RBFOX1: variants seen among roughly 807,000 people sequenced by gnomAD.
The protein encoded by RBFOX1 is RNA binding fox-1 homolog 1.
Under a neutral mutation model 57.7 loss-of-function variants are expected in RBFOX1, and 8 were observed. The ratio of observed to expected loss-of-function variants is 0.14; its 90% CI spans 0.08 to 0.25. The LOEUF is 0.25. Ranked by LOEUF, RBFOX1 falls within the 10% of genes least tolerant of loss-of-function variation. The probability of loss-of-function intolerance (pLI) is 1.00; values close to 1 mark genes in which losing one functional copy is unlikely to be tolerated. For missense variants in RBFOX1, 611 were observed against 548.5 expected (o/e 1.11, Z -1.14); for synonymous variants, 326 against 222.4 (o/e 1.47, Z -4.15).
chr16:7,482,750 G>T (rs189129882), intron 4 of RBFOX1, among the ~76,000 whole-genome samples: 1 of 151,822 alleles, frequency 6.6e-6, no homozygotes, highest in African/African-American at 2.4e-5. Context: ...ATTTGCTTAT[G>T]TTCTTGGATG....
intron 2 of RBFOX1, among the ~76,000 whole-genome samples, chr16:6,598,576 A>T (rs141202965): frequency 2.6e-5 from 4 of 152,236 alleles, no homozygotes; most frequent in Admixed American, 6.5e-5. Context: ...TAAAAGTTCA[A>T]TATAAAAGGA....
At chr16:5,376,736 G>A (rs572214509) in intron 1 of RBFOX1, among the ~76,000 whole-genome samples, 1 of 151,912 alleles carries the variant, frequency 6.6e-6, no homozygotes, top group South Asian at 2.1e-4. Flanking sequence ...GGGTCCTTTG[G>A]CAGCACCCAT....
At chr16:6,719,794 T>TA (rs1416289170) in intron 3 of RBFOX1, among the ~76,000 whole-genome samples, 2 of 151,994 alleles carry the variant, frequency 1.3e-5, no homozygotes, top group Non-Finnish European at 2.9e-5. Flanking sequence ...ATTGTGCATA[T>TA]TAAATGACAT....
intron 3 of RBFOX1, among the ~76,000 whole-genome samples, chr16:5,826,356 A>C (rs2056055306): frequency 1.3e-5 from 2 of 152,136 alleles, no homozygotes. Context: ...TCCCCAGTAG[A>C]TGTCCAGCTG....
At chr16:7,375,784 C>T (rs183787226) in intron 4 of RBFOX1, among the ~76,000 whole-genome samples, 2 of 152,272 alleles carry the variant, frequency 1.3e-5, no homozygotes, top group East Asian at 3.9e-4. Flanking sequence ...TCTCTCCCCC[C>T]ATGCTTTAAT....
At chr16:7,389,911 A>G (rs1483063170) in intron 4 of RBFOX1, among the ~76,000 whole-genome samples, 1 of 152,150 alleles carries the variant, frequency 6.6e-6, no homozygotes, top group African/African-American at 2.4e-5. Flanking sequence ...CCATTCTCAT[A>G]CTGTTATAAA....
At chr16:5,388,957 C>T (rs9673389) in intron 1 of RBFOX1, among the ~76,000 whole-genome samples, 7 of 151,372 alleles carry the variant, frequency 4.6e-5, no homozygotes, top group Non-Finnish European at 7.4e-5. Context: ...TTTGGGAGGC[C>T]GAGGTGGGCA....
chr16:6,494,258 T>C (rs954439944), intron 2 of RBFOX1, among the ~76,000 whole-genome samples: 8 of 152,200 alleles, frequency 5.3e-5, no homozygotes, highest in Admixed American at 1.3e-4. Context: ...TGTGTATATA[T>C]ATTGTTCTGT....
intron 3 of RBFOX1, among the ~76,000 whole-genome samples, chr16:5,658,426 A>G (rs1201423583): frequency 6.6e-6 from 1 of 152,162 alleles, no homozygotes; most frequent in African/African-American, 2.4e-5. Flanking sequence ...AACTTTGATC[A>G]TCAGATTGGG....
chr16:5,337,017 T>G (rs902738244), intron 1 of RBFOX1, among the ~76,000 whole-genome samples: 1 of 152,142 alleles, frequency 6.6e-6, no homozygotes, highest in Admixed American at 6.5e-5. Flanking sequence ...CTTTCCAAGC[T>G]CCCCTGGAGA....
chr16:7,516,523 T>C (rs2076388797), intron 4 of RBFOX1, among the ~76,000 whole-genome samples: 1 of 152,192 alleles, frequency 6.6e-6, no homozygotes, highest in African/African-American at 2.4e-5. Flanking sequence ...CTTCTTTGGC[T>C]TCCCAAGGAT....
chr16:6,507,017 C>T (rs995952486), intron 2 of RBFOX1, among the ~76,000 whole-genome samples: 1 of 152,106 alleles, frequency 6.6e-6, no homozygotes, highest in Non-Finnish European at 1.5e-5. Context: ...GTAGAGGGCT[C>T]ATGACTGCTT....
chr16:6,286,492 C>G (rs979913448), intron 1 of RBFOX1, among the ~76,000 whole-genome samples: 1 of 152,196 alleles, frequency 6.6e-6, no homozygotes, highest in African/African-American at 2.4e-5. Context: ...TAGTACCTAC[C>G]TTGCAAGATT....
intron 4 of RBFOX1, among the ~76,000 whole-genome samples, chr16:7,387,011 C>G (rs2097895440): frequency 6.6e-6 from 1 of 152,162 alleles, no homozygotes; most frequent in Non-Finnish European, 1.5e-5. Context: ...TGTTTGTTGG[C>G]TGCATAAATG....
intron 4 of RBFOX1, among the ~76,000 whole-genome samples, chr16:7,099,749 T>C (rs2062348068): frequency 6.6e-6 from 1 of 152,126 alleles, no homozygotes; most frequent in Non-Finnish European, 1.5e-5. Flanking sequence ...TTCCAGGTCA[T>C]AGGTAGATTT....
chr16:5,535,760 C>T (rs150096083), intron 2 of RBFOX1, among the ~76,000 whole-genome samples: 2 of 152,334 alleles, frequency 1.3e-5, no homozygotes, highest in East Asian at 1.9e-4. Context: ...GCTGGTATAA[C>T]ATCCTCAAGA....
intron 1 of RBFOX1, among the ~76,000 whole-genome samples, chr16:5,329,097 A>G (rs2064670972): frequency 6.6e-6 from 1 of 152,238 alleles, no homozygotes; most frequent in African/African-American, 2.4e-5. Context: ...AATCCCATGG[A>G]GTAGTTTCCG....
chr16:7,546,596 T>C (rs995900740), intron 5 of RBFOX1, among the ~76,000 whole-genome samples: 3 of 152,128 alleles, frequency 2.0e-5, no homozygotes, highest in South Asian at 4.1e-4. Context: ...AATTAGAAAA[T>C]AGATAAAAAT....
chr16:6,681,480 T>C (rs537705407), intron 3 of RBFOX1, among the ~76,000 whole-genome samples: 2 of 151,892 alleles, frequency 1.3e-5, no homozygotes, highest in Admixed American at 6.6e-5. Flanking sequence ...TTAGCAGAAG[T>C]AGTTCTGTGA....
Sources: gnomAD v4.1 joint callset for allele counts (sites outside exome capture counted in the v4.1 genomes callset) on GRCh38, gnomAD v4.1.1 for gene constraint, MANE v1.5 for transcripts, NCBI Gene and HGNC (gene_info 2026-07-23, HGNC 2026-07-21) for gene names.